Variants in SLC25A42 observed in about 807,000 individuals in gnomAD.
SLC25A42 encodes the protein mitochondrial coenzyme A transporter SLC25A42.
Under a neutral mutation model 34.7 loss-of-function variants are expected in SLC25A42, and 19 were observed. That is an observed-to-expected ratio of 0.55 (90% CI 0.38 to 0.80). The LOEUF (loss-of-function observed/expected upper bound fraction) is 0.80, where lower values mean the gene tolerates loss of function less well. SLC25A42 is among the 30% of genes least tolerant of loss of function. The pLI is 0.00. For synonymous variants in SLC25A42, 205 were observed against 191.2 expected, an observed-to-expected ratio of 1.07 and a Z score of -0.59; for missense variants, 364 against 441.3, an observed-to-expected ratio of 0.82 and a Z score of 1.57.
At chr19:19,110,534 G>T in intron 7 of SLC25A42, 35 bp from the exon 8 acceptor site, 1 of 1,374,768 alleles carries the variant, frequency 7.3e-7, no homozygotes, top group African/African-American at 1.5e-5. Context: ...CCCCCTCGCG[G>T]CGCCTTCACG....
chr19:19,106,198 C>A, intron 5 of SLC25A42, 71 bp from the exon 6 acceptor site: 1 of 1,343,472 alleles, frequency 7.4e-7, no homozygotes, highest in South Asian at 1.2e-5. Flanking sequence ...CGTGCGGGTG[C>A]TCCAGGCTGG....
At position 19,105,684 on chromosome 19, in the gene SLC25A42, G is replaced by A. The variant is rs751466309; in HGVS notation, c.337G>A (p.Glu113Lys). 5 of 1,610,132 alleles carry A rather than the reference G, an allele frequency of 3.1e-6. No individual in the cohort carries two copies. Among genetic ancestry groups the A allele is most frequent in the Non-Finnish European group, 3.4e-6 (4 of 1,177,796 alleles). Residue 113 changes from glutamate (E) to lysine (K), a missense_variant, in exon 5 of 8, where the codon GAG (glutamate) becomes AAG (lysine). By Grantham distance (56) the Glu-to-Lys change is moderately conservative (BLOSUM62 1). Transcript: ENST00000318596. ...CGCCATCCAGTTCAGCGCACACGAG[G>A]AGTACAAGCGCATCCTGGGCAGCTA... ...YAAIQFSAHE[E>K]YKRILGSYYG...
At chr19:19,071,070 G>A (rs1484156745) in intron 1 of SLC25A42, among the ~76,000 whole-genome samples, 1 of 146,862 alleles carries the variant, frequency 6.8e-6, no homozygotes, top group Non-Finnish European at 1.5e-5. Flanking sequence ...GTGGTGGCAA[G>A]ATCACAGCTC....
intron 4 of SLC25A42, 184 bp downstream of exon 4, chr19:19,105,122 TC>T: frequency 5.7e-6 from 4 of 702,464 alleles, no homozygotes; most frequent in Non-Finnish European, 7.2e-6. Context: ...CGAGTGTCCT[TC>T]CGGCAGTGGG....
In SLC25A42 at chr19:19,096,171, C is replaced by T; in HGVS notation, c.47C>T (p.Ala16Val). 3.7e-6 allele frequency: 6 copies of T among 1,613,114 alleles called. No homozygotes were observed. Among genetic ancestry groups the T allele is most frequent in the Non-Finnish European group, 5.1e-6 (6 of 1,179,972 alleles). The change falls in exon 2 of 8, where the codon GCT becomes GTT. Residue 16 changes from alanine (A) to valine (V), a missense_variant. Coordinates refer to ENST00000318596, the MANE Select transcript of SLC25A42 (RefSeq NM_178526.5). ...GGCCCGGTGCGATTGCATGAGGATG[C>T]TGAGGCTGTCCTGTCCTCGTCCGTC... Reference protein sequence around the residue: ...KEGPVRLHEDAEAVLSSSVSS... With the variant: ...KEGPVRLHEDVEAVLSSSVSS...
At chr19:19,105,476 C>A in intron 4 of SLC25A42, 85 bp from the exon 5 acceptor site, 1 of 1,527,318 alleles carries the variant, frequency 6.5e-7, no homozygotes, top group Non-Finnish European at 8.9e-7. Context: ...CCCGCCTCCG[C>A]ACTTTGGGCG....
chr19:19,089,951 A>G (rs973139207), intron 1 of SLC25A42, among the ~76,000 whole-genome samples: 1 of 152,264 alleles, frequency 6.6e-6, no homozygotes, highest in Non-Finnish European at 1.5e-5. Context: ...TGTCTGTTCC[A>G]CTGGGGGTCC....
At chr19:19,071,524 T>A (rs2059629989) in intron 1 of SLC25A42, among the ~76,000 whole-genome samples, 1 of 152,116 alleles carries the variant, frequency 6.6e-6, no homozygotes, top group Non-Finnish European at 1.5e-5. Context: ...CTCTGGGAGA[T>A]CTGAAGCTAA....
chr19:19,082,285 C>T (rs1250342647), intron 1 of SLC25A42, among the ~76,000 whole-genome samples: 1 of 152,168 alleles, frequency 6.6e-6, no homozygotes. Flanking sequence ...AGCTTCTATC[C>T]CCCAGGGCCT....
intron 1 of SLC25A42, among the ~76,000 whole-genome samples, chr19:19,082,858 C>A (rs1346644154): frequency 6.6e-6 from 1 of 151,974 alleles, no homozygotes; most frequent in South Asian, 2.1e-4. Context: ...CCCTCTGTCA[C>A]CCAGGCTAGA....
intron 1 of SLC25A42, among the ~76,000 whole-genome samples, chr19:19,071,260 T>C (rs1207976828): frequency 6.6e-6 from 1 of 151,930 alleles, no homozygotes; most frequent in African/African-American, 2.4e-5. Context: ...TCCCGCCTCA[T>C]CCTCCCAAAG....
chr19:19,088,704 T>A (rs1012740419), intron 1 of SLC25A42, among the ~76,000 whole-genome samples: 1 of 151,900 alleles, frequency 6.6e-6, no homozygotes, highest in Non-Finnish European at 1.5e-5. Context: ...TTCACCATGT[T>A]AGCCAAGATG....
chr19:19,065,486 TAGA>T (rs1261616024), intron 1 of SLC25A42, among the ~76,000 whole-genome samples: 2 of 152,202 alleles, frequency 1.3e-5, no homozygotes, highest in East Asian at 3.8e-4. Context: ...GCATGCAGCA[TAGA>T]AGGAGGACAG....
At chr19:19,070,862 C>T (rs996038201) in intron 1 of SLC25A42, among the ~76,000 whole-genome samples, 5 of 152,208 alleles carry the variant, frequency 3.3e-5, no homozygotes, top group Admixed American at 2.6e-4. Flanking sequence ...CCAATGGGGT[C>T]GGACACATTC....
At chr19:19,088,834 G>A (rs1472816933) in intron 1 of SLC25A42, among the ~76,000 whole-genome samples, 3 of 142,704 alleles carry the variant, frequency 2.1e-5, no homozygotes, top group Admixed American at 1.4e-4. Context: ...TTGAGACAGC[G>A]TCTCTTTCTG....
intron 1 of SLC25A42, among the ~76,000 whole-genome samples, chr19:19,087,977 A>AG (rs1023665983): frequency 4.6e-5 from 7 of 152,090 alleles, no homozygotes; most frequent in Admixed American, 6.6e-5. Flanking sequence ...CTAAGTTGGA[A>AG]GGGGGGCCAG....
At chr19:19,071,568 A>G (rs2059630072) in intron 1 of SLC25A42, among the ~76,000 whole-genome samples, 1 of 152,184 alleles carries the variant, frequency 6.6e-6, no homozygotes, top group African/African-American at 2.4e-5. Flanking sequence ...GCCAAGGGCT[A>G]GCAGAAAGCA....
Position 19,105,695 on chromosome 19 carries a change from C to A in SLC25A42, c.348C>A (p.Arg116=). 5 of 1,604,558 alleles carry A rather than the reference C, an allele frequency of 3.1e-6. No individual in the cohort carries two copies. Among genetic ancestry groups the A allele is most frequent in the Non-Finnish European group, 4.3e-6 (5 of 1,174,416 alleles). ...IQFSAHEEYK[R]ILGSYYGFRG... The stretch of plus-strand genomic sequence containing the variant: ...TCAGCGCACACGAGGAGTACAAGCG[C>A]ATCCTGGGCAGCTACTATGGCTTCC... The change falls in exon 5 of 8, where the codon CGC becomes CGA. Residue 116 remains arginine, a synonymous_variant. Transcript: ENST00000318596.
At chr19:19,075,704 A>T (rs765888093) in intron 1 of SLC25A42, among the ~76,000 whole-genome samples, 45 of 152,188 alleles carry the variant, frequency 3.0e-4, no homozygotes, top group Non-Finnish European at 6.3e-4. Context: ...ACTGAACTGG[A>T]AAGGGTGCTT....
Sources: allele counts gnomAD v4.1 joint callset (sites outside exome capture counted in the v4.1 genomes callset), GRCh38; gene constraint gnomAD v4.1.1; transcripts MANE v1.5; gene names NCBI Gene and HGNC (gene_info 2026-07-23, HGNC 2026-07-21).